PRKCA: variants seen among roughly 807,000 people sequenced by gnomAD.
PRKCA encodes the protein protein kinase C alpha.
In PRKCA, 27 loss-of-function variants were observed where a neutral mutation model predicts 87.0. The ratio of observed to expected loss-of-function variants is 0.31; its 90% confidence interval spans 0.23 to 0.43. PRKCA has a LOEUF of 0.43. PRKCA is among the 20% of genes least tolerant of loss of function. PRKCA has a pLI of 1.00. For missense variants in PRKCA, 518 were observed against 852.3 expected (o/e 0.61, Z 4.88); for synonymous variants, 329 against 311.1 (o/e 1.06, Z -0.61).
At chr17:66,587,738 CGTAT>C (rs1395803041) in intron 3 of PRKCA, among the ~76,000 whole-genome samples, 1 of 66,472 alleles carries the variant, frequency 1.5e-5, no homozygotes, top group Non-Finnish European at 3.2e-5. Context: ...TACATATATA[CGTAT>C]ATGTGTGTAT....
At chr17:66,564,336 C>T (rs1035577824) in intron 3 of PRKCA, among the ~76,000 whole-genome samples, 1 of 152,180 alleles carries the variant, frequency 6.6e-6, no homozygotes, top group Admixed American at 6.5e-5. Context: ...GCCTCGAACT[C>T]CCAGAGTGCT....
At chr17:66,637,977 T>G (rs1051710246) in intron 3 of PRKCA, among the ~76,000 whole-genome samples, 20 of 152,182 alleles carry the variant, frequency 1.3e-4, no homozygotes, top group African/African-American at 4.8e-4. Context: ...TTTTAGATTT[T>G]GTGGCCCACA....
At chr17:66,404,354 T>C (rs1434726381) in intron 2 of PRKCA, among the ~76,000 whole-genome samples, 1 of 152,190 alleles carries the variant, frequency 6.6e-6, no homozygotes, top group Admixed American at 6.5e-5. Context: ...AAGTAGCTGG[T>C]TCCTATTCTT....
At chr17:66,742,182 A>G (rs1974171624) in intron 12 of PRKCA, among the ~76,000 whole-genome samples, 1 of 152,232 alleles carries the variant, frequency 6.6e-6, no homozygotes, top group Non-Finnish European at 1.5e-5. Context: ...TTGAAGCATA[A>G]TTAGAAGGAT....
intron 2 of PRKCA, among the ~76,000 whole-genome samples, chr17:66,454,101 C>A (rs1201185874): frequency 1.3e-5 from 2 of 152,226 alleles, no homozygotes; most frequent in Non-Finnish European, 2.9e-5. Flanking sequence ...CAGAATTAAT[C>A]TGAAATGACT....
At chr17:66,717,797 C>G (rs911848533) in intron 8 of PRKCA, among the ~76,000 whole-genome samples, 2 of 152,190 alleles carry the variant, frequency 1.3e-5, no homozygotes, top group African/African-American at 4.8e-5. Context: ...CCCCAGGGAC[C>G]CTTCTGTGGC....
chr17:66,720,631 T>C (rs980873678), intron 8 of PRKCA, among the ~76,000 whole-genome samples: 1 of 152,230 alleles, frequency 6.6e-6, no homozygotes, highest in Non-Finnish European at 1.5e-5. Context: ...GGCATGGCTA[T>C]TTCTGTTAAC....
At chr17:66,605,268 C>T (rs1970172765) in intron 3 of PRKCA, among the ~76,000 whole-genome samples, 1 of 152,144 alleles carries the variant, frequency 6.6e-6, no homozygotes, top group Non-Finnish European at 1.5e-5. Context: ...TTTAGAATTC[C>T]CTCTGGTCAC....
chr17:66,484,705 TAAA>T, intron 2 of PRKCA, among the ~76,000 whole-genome samples: 1 of 152,338 alleles, frequency 6.6e-6, no homozygotes, highest in Non-Finnish European at 1.5e-5. Flanking sequence ...AATAGTATAA[TAAA>T]AACCATATAC....
At chr17:66,590,044 G>C (rs1329756979) in intron 3 of PRKCA, among the ~76,000 whole-genome samples, 1 of 152,154 alleles carries the variant, frequency 6.6e-6, no homozygotes, top group Non-Finnish European at 1.5e-5. Context: ...CTCACCTCCT[G>C]CTGTGCACCC....
In PRKCA at chr17:66,621,149, TC is replaced by T. The variant is rs1378154438; in HGVS notation, c.289-20205del. ...CAAGATGAGAGGCTCTTTTTTGTTCTCAAGATTCTGGATTAAATGAGCTGTC... is the reference window on the plus strand; with the variant it reads ...CAAGATGAGAGGCTCTTTTTTGTTCTAAGATTCTGGATTAAATGAGCTGTC... On this transcript the variant is annotated intron_variant, in intron 3 of 16. Transcript: ENST00000413366. 2.0e-5 allele frequency among the ~76,000 whole-genome samples: 3 copies of T among 152,196 alleles called. No individual in the cohort carries two copies. In the East Asian group the frequency reaches 5.8e-4, roughly 29 times the overall value.
At chr17:66,534,722 T>G (rs1045955548) in intron 3 of PRKCA, among the ~76,000 whole-genome samples, 2 of 152,098 alleles carry the variant, frequency 1.3e-5, no homozygotes, top group Non-Finnish European at 2.9e-5. Context: ...TGGGGCCCAA[T>G]GTATTTGAGT....
chr17:66,725,866 G>A lies in PRKCA; in HGVS notation c.919-6822G>A, dbSNP rs538940810. On this transcript the variant is annotated intron_variant, in intron 8 of 16. Transcript: ENST00000413366. ...TGTGTTAAGTTCCCCAGAAGCTGAC[G>A]TAGCCCCATGGTTTTGAGAAGTTCA... Among the ~76,000 whole-genome samples the A allele has an allele frequency of 2.6e-5, 4 of 151,980 alleles. No homozygotes were observed. In the South Asian group the frequency reaches 6.2e-4, roughly 24 times the overall value.
At chr17:66,421,628 G>T (rs1481879770) in intron 2 of PRKCA, among the ~76,000 whole-genome samples, 1 of 151,482 alleles carries the variant, frequency 6.6e-6, no homozygotes, top group Non-Finnish European at 1.5e-5. Context: ...CATCTCCCAG[G>T]TTCAAGCAAT....
intron 16 of PRKCA, among the ~76,000 whole-genome samples, chr17:66,798,477 T>TAC (rs1975744828): frequency 1.4e-5 from 1 of 69,436 alleles, no homozygotes; most frequent in Non-Finnish European, 3.1e-5. Context: ...GTGGTGGTGG[T>TAC]GGTGGTGGTG....
chr17:66,419,983 C>T (rs1021956048), intron 2 of PRKCA, among the ~76,000 whole-genome samples: 2 of 151,098 alleles, frequency 1.3e-5, no homozygotes, highest in African/African-American at 4.9e-5. Flanking sequence ...GGTAAACAAA[C>T]CCCATTCTGG....
At chr17:66,510,974 G>A (rs1415285756) in intron 3 of PRKCA, among the ~76,000 whole-genome samples, 5 of 152,032 alleles carry the variant, frequency 3.3e-5, no homozygotes, top group South Asian at 2.1e-4. Flanking sequence ...CTCGAACTCC[G>A]GTACTCCGGT....
chr17:66,511,562 G>T (rs910269409), intron 3 of PRKCA, among the ~76,000 whole-genome samples: 1 of 152,140 alleles, frequency 6.6e-6, no homozygotes, highest in Admixed American at 6.5e-5. Flanking sequence ...AAAATGGTAG[G>T]CTGAATATTT....
At chr17:66,303,417 A>G (rs1258364194) in intron 1 of PRKCA, among the ~76,000 whole-genome samples, 1 of 151,860 alleles carries the variant, frequency 6.6e-6, no homozygotes, top group Non-Finnish European at 1.5e-5. Context: ...TCCCGGAGAA[A>G]CGCGCCCCGG....
Sources: gnomAD v4.1 joint callset for allele counts (sites outside exome capture counted in the v4.1 genomes callset) on GRCh38, gnomAD v4.1.1 for gene constraint, MANE v1.5 for transcripts, NCBI Gene and HGNC (gene_info 2026-07-23, HGNC 2026-07-21) for gene names.